The following KHDRBS3 variants were observed in gnomAD, a reference collection of about 807,000 sequenced individuals.
The protein encoded by KHDRBS3 is KH RNA binding domain containing, signal transduction associated 3, also known as KH domain-containing, RNA-binding, signal transduction-associated protein 3.
KHDRBS3 carries 23 observed loss-of-function variants against 45.6 expected under a neutral mutation model. The ratio of observed to expected loss-of-function variants is 0.50; its 90% CI spans 0.36 to 0.72. The LOEUF (loss-of-function observed/expected upper bound fraction) is 0.72, where lower values mean the gene tolerates loss of function less well. Ranked by LOEUF, KHDRBS3 falls within the 30% of genes least tolerant of loss-of-function variation. The probability of loss-of-function intolerance (pLI) is 0.00; values close to 1 mark genes in which losing one functional copy is unlikely to be tolerated. For missense variants in KHDRBS3, 352 were observed against 424.8 expected, an observed-to-expected ratio of 0.83 and a Z score of 1.51; for synonymous variants, 162 against 156.5, an observed-to-expected ratio of 1.04 and a Z score of -0.26.
chr8:135,511,881 G>C (rs1446604882), intron 1 of KHDRBS3, among the ~76,000 whole-genome samples: 1 of 152,094 alleles, frequency 6.6e-6, no homozygotes, highest in Non-Finnish European at 1.5e-5. Flanking sequence ...ATAAAAATCA[G>C]TTTTCCAAGC....
At position 135,492,640 on chromosome 8, in the gene KHDRBS3, C is replaced by T. The variant is rs542430420; in HGVS notation, c.89-28597C>T. 2.0e-5 allele frequency among the ~76,000 whole-genome samples: 3 copies of T among 150,854 alleles called. No individual in the cohort carries two copies. In the East Asian group the frequency reaches 5.9e-4, roughly 30 times the overall value. On this transcript the variant is annotated intron_variant, in intron 1 of 8. Coordinates refer to ENST00000355849, the MANE Select transcript of KHDRBS3 (RefSeq NM_006558.3). The stretch of plus-strand genomic sequence containing the variant: ...GTGGATCTGATTCTGAACACCATTC[C>T]GTTCTGTTCCTCTGTTTGTTTTTCC...
rs201121717 is a variant in KHDRBS3 at position 135,457,824 on chromosome 8, C to T, written c.-43C>T. Reference sequence around the variant, plus strand: ...TCGGGGGTTGCCGGGCGCCGCCCCCCGTGCGCCTGGAGTCCACATCCCGGG... The same window carrying T: ...TCGGGGGTTGCCGGGCGCCGCCCCCTGTGCGCCTGGAGTCCACATCCCGGG... On this transcript the variant is annotated 5_prime_UTR_variant, in exon 1 of 9. Transcript: ENST00000355849. The surrounding 1 kb of genome is among the most constrained non-coding windows in gnomAD (Gnocchi z 4.4). 2.9e-6 allele frequency: 4 copies of T among 1,373,826 alleles called. No homozygotes were observed. The highest frequency in any genetic ancestry group is 1.4e-5 in the South Asian group (1 of 73,976). The allele number at this position is 1,373,826 out of a possible 1,614,324, so 85.1% of individuals were successfully genotyped here.
chr8:135,600,789 C>T (rs1303952891), intron 6 of KHDRBS3, among the ~76,000 whole-genome samples: 4 of 152,200 alleles, frequency 2.6e-5, no homozygotes, highest in African/African-American at 9.6e-5. Flanking sequence ...GCCTCCGCCT[C>T]CCGGGTTCAA....
chr8:135,610,615 G>A (rs1026607647), intron 7 of KHDRBS3, among the ~76,000 whole-genome samples: 1 of 151,786 alleles, frequency 6.6e-6, no homozygotes, highest in Non-Finnish European at 1.5e-5. Context: ...TATCGTGAGC[G>A]GTCTGAGGAG....
At chr8:135,566,949 A>ACC in intron 5 of KHDRBS3, among the ~76,000 whole-genome samples, 1 of 152,352 alleles carries the variant, frequency 6.6e-6, no homozygotes, top group Non-Finnish European at 1.5e-5. Flanking sequence ...TTAATAGAAG[A>ACC]AACAGTCACA....
intron 1 of KHDRBS3, among the ~76,000 whole-genome samples, chr8:135,493,927 A>G (rs148790734): frequency 2.0e-5 from 3 of 152,236 alleles, no homozygotes; most frequent in Admixed American, 1.3e-4. Flanking sequence ...CTATGAATTT[A>G]GTTTCTCGTA....
intron 1 of KHDRBS3, among the ~76,000 whole-genome samples, chr8:135,459,900 G>A (rs1328380982): frequency 6.6e-6 from 1 of 152,142 alleles, no homozygotes; most frequent in Non-Finnish European, 1.5e-5. Flanking sequence ...ACTTTTCATA[G>A]AAGTAATTCT....
rs1390685805 is a variant in KHDRBS3 at position 135,548,858 on chromosome 8, G to A, written c.429G>A (p.Arg143=). 1 of 1,600,582 alleles carries A rather than the reference G, an allele frequency of 6.2e-7. No individual in the cohort carries two copies. The highest frequency in any genetic ancestry group is 1.3e-5 in the African/African-American group (1 of 74,204). The change falls in exon 4 of 9, where the codon AGG becomes AGA. Residue 143 remains arginine (R), a synonymous_variant. Coordinates refer to ENST00000355849, the MANE Select transcript of KHDRBS3 (RefSeq NM_006558.3). ...CCCCACCTGCAGAAGCTTATGCCAG[G>A]ATGGGACATGCTTTGGAAGAAATCA... ...VFAPPAEAYA[R]MGHALEEIKK... is the part of the protein sequence containing the mutation.
intron 8 of KHDRBS3, 120 bp downstream of exon 8, chr8:135,645,237 A>C (rs570495701): frequency 1.2e-4 from 109 of 936,952 alleles, no homozygotes; most frequent in Non-Finnish European, 1.6e-4. Flanking sequence ...CTTCCTGTCA[A>C]TTCATTTGTG....
intron 1 of KHDRBS3, among the ~76,000 whole-genome samples, chr8:135,487,607 G>A (rs1250334328): frequency 1.3e-5 from 2 of 152,212 alleles, no homozygotes; most frequent in Non-Finnish European, 2.9e-5. Flanking sequence ...GGATATGTTT[G>A]GAGGGAGTTT....
At chr8:135,609,355 C>T (rs1401456790) in intron 7 of KHDRBS3, among the ~76,000 whole-genome samples, 2 of 151,008 alleles carry the variant, frequency 1.3e-5, no homozygotes, top group African/African-American at 4.9e-5. Flanking sequence ...AATGCAGTGG[C>T]GTGATCTCAG....
chr8:135,588,162 G>A (rs974887313), intron 6 of KHDRBS3, among the ~76,000 whole-genome samples: 1 of 152,208 alleles, frequency 6.6e-6, no homozygotes, highest in Non-Finnish European at 1.5e-5. Flanking sequence ...ACTTGTGTCA[G>A]ACTTGGATGG....
At chr8:135,475,468 T>C (rs1274331352) in intron 1 of KHDRBS3, among the ~76,000 whole-genome samples, 2 of 151,784 alleles carry the variant, frequency 1.3e-5, no homozygotes, top group African/African-American at 4.8e-5. Context: ...CCCACCACCA[T>C]GCCCAGCTAA....
intron 5 of KHDRBS3, among the ~76,000 whole-genome samples, chr8:135,581,006 C>A (rs1417225809): frequency 1.3e-5 from 2 of 152,136 alleles, no homozygotes; most frequent in African/African-American, 2.4e-5. Flanking sequence ...TTTTCAAAGT[C>A]CAGCTTTGGG....
intron 1 of KHDRBS3, among the ~76,000 whole-genome samples, chr8:135,483,032 GA>G (rs1175444077): frequency 6.6e-6 from 1 of 152,068 alleles, no homozygotes. Flanking sequence ...TATTCCTGGA[GA>G]CAATATCATT....
At chr8:135,614,301 T>C (rs1014768629) in intron 7 of KHDRBS3, among the ~76,000 whole-genome samples, 3 of 151,860 alleles carry the variant, frequency 2.0e-5, no homozygotes, top group African/African-American at 7.3e-5. Context: ...GATAATGACC[T>C]CAGCCCTCAG....
intron 1 of KHDRBS3, among the ~76,000 whole-genome samples, chr8:135,473,036 GTTTTT>G (rs5895311): frequency 1.4e-5 from 2 of 142,524 alleles, no homozygotes; most frequent in African/African-American, 5.2e-5. Context: ...TATTTGAAAA[GTTTTT>G]TTTTTTTTTT....
chr8:135,567,645 A>G (rs1205651457), intron 5 of KHDRBS3, among the ~76,000 whole-genome samples: 2 of 152,168 alleles, frequency 1.3e-5, no homozygotes, highest in Non-Finnish European at 2.9e-5. Context: ...CTCAATAACT[A>G]TTCACTGAAA....
At chr8:135,562,093 T>A (rs1171971714) in intron 5 of KHDRBS3, among the ~76,000 whole-genome samples, 1 of 152,206 alleles carries the variant, frequency 6.6e-6, no homozygotes, top group African/African-American at 2.4e-5. Flanking sequence ...AAGTTTATAA[T>A]GTTTATAAAG....
Sources: gnomAD v4.1 joint callset for allele counts (sites outside exome capture counted in the v4.1 genomes callset) on GRCh38, gnomAD v4.1.1 for gene constraint, Gnocchi (gnomAD v3.1) non-coding constraint, MANE v1.5 for transcripts, NCBI Gene and HGNC (gene_info 2026-07-23, HGNC 2026-07-21) for gene names.